The following ACSBG1 variants were observed in gnomAD, a reference collection of about 807,000 sequenced individuals.
ACSBG1 encodes acyl-CoA synthetase bubblegum family member 1.
In ACSBG1, 39 loss-of-function variants were observed where a neutral mutation model predicts 80.2. The ratio of observed to expected loss-of-function variants is 0.49; its 90% CI spans 0.38 to 0.64. The LOEUF (loss-of-function observed/expected upper bound fraction) is 0.64, where lower values mean the gene tolerates loss of function less well. Ranked by LOEUF, ACSBG1 falls within the 30% of genes least tolerant of loss-of-function variation. The pLI is 0.00. For missense variants in ACSBG1, 828 were observed against 966.4 expected (o/e 0.86, Z 1.90); for synonymous variants, 392 against 379.5 (o/e 1.03, Z -0.38).
chr15:78,171,703 G>T (rs1595876509), intron 13 of ACSBG1, 174 bp from the exon 14 acceptor site: 1 of 575,060 alleles, frequency 1.7e-6, no homozygotes, highest in Non-Finnish European at 3.1e-6. Flanking sequence ...CATATGGCTT[G>T]TGTGTAGTCT....
Position 78,182,033 on chromosome 15 carries a change from T to C in ACSBG1, c.1007A>G (p.Tyr336Cys). 6.2e-7 allele frequency: 1 copy of C among 1,614,132 alleles called. No individual in the cohort carries two copies. Among genetic ancestry groups the C allele is most frequent in the Non-Finnish European group, 8.5e-7 (1 of 1,180,012 alleles). The change falls in exon 8 of 14, where the codon TAC (tyrosine) becomes TGC (cysteine). Residue 336 changes from tyrosine to cysteine, a missense_variant. Transcript: ENST00000258873. Reference protein sequence around the residue: ...LPLSHIAAQIYDLWTGIQWGA... With the variant: ...LPLSHIAAQICDLWTGIQWGA... Reference sequence around the variant, plus strand: ...CCACTGGATGCCTGTCCACAGGTCGTAGATCTGGGCGGCAATATGGCTGAG... The same window carrying C: ...CCACTGGATGCCTGTCCACAGGTCGCAGATCTGGGCGGCAATATGGCTGAG...
intron 2 of ACSBG1, among the ~76,000 whole-genome samples, chr15:78,202,781 C>T (rs2075180562): frequency 6.6e-6 from 1 of 152,298 alleles, no homozygotes; most frequent in South Asian, 2.1e-4. Flanking sequence ...AACATCCTTG[C>T]ACTTAGCAAT....
chr15:78,201,111 GC>G (rs1215992024), intron 2 of ACSBG1, among the ~76,000 whole-genome samples: 1 of 152,182 alleles, frequency 6.6e-6, no homozygotes, highest in African/African-American at 2.4e-5. Flanking sequence ...CCCATCCTGA[GC>G]CTAATGGAGG....
At chr15:78,191,938 G>A (rs896415063) in intron 5 of ACSBG1, among the ~76,000 whole-genome samples, 8 of 152,280 alleles carry the variant, frequency 5.3e-5, no homozygotes, top group African/African-American at 9.6e-5. Context: ...ACCTCCAAGT[G>A]TGACCTTATG....
intron 4 of ACSBG1, 149 bp downstream of exon 4, chr15:78,193,783 G>T: frequency 7.1e-7 from 1 of 1,416,432 alleles, no homozygotes; most frequent in Non-Finnish European, 9.6e-7. Flanking sequence ...TGCAGAGAGG[G>T]CGCCAGATGC....
chr15:78,224,167 TCAA>T (rs1342815704), intron 1 of ACSBG1, among the ~76,000 whole-genome samples: 1 of 152,150 alleles, frequency 6.6e-6, no homozygotes, highest in African/African-American at 2.4e-5. Context: ...AACAGGCTTG[TCAA>T]CAACTTCATG....
At chr15:78,224,713 T>C (rs1239615514) in intron 1 of ACSBG1, among the ~76,000 whole-genome samples, 3 of 151,436 alleles carry the variant, frequency 2.0e-5, no homozygotes, top group South Asian at 4.2e-4. Flanking sequence ...AGAGCGAGAC[T>C]CCGCCTCAAA....
intron 2 of ACSBG1, among the ~76,000 whole-genome samples, chr15:78,204,564 C>G (rs2075197004): frequency 6.6e-6 from 1 of 152,204 alleles, no homozygotes; most frequent in Admixed American, 6.5e-5. Flanking sequence ...GAAAATGTTT[C>G]TCTGAGGACC....
At chr15:78,186,111 T>A (rs2075001323) in intron 5 of ACSBG1, among the ~76,000 whole-genome samples, 1 of 152,206 alleles carries the variant, frequency 6.6e-6, no homozygotes, top group African/African-American at 2.4e-5. Context: ...AGTTAGCTCT[T>A]CTTGTTGAAT....
Position 78,178,510 on chromosome 15 carries a change from C to T in ACSBG1, c.1702+104G>A. On this transcript the variant is annotated intron_variant, in intron 11 of 13. Transcript: ENST00000258873. The surrounding 1 kb of genome is among the most constrained non-coding windows in gnomAD (Gnocchi z 4.3). Reference sequence around the variant, plus strand: ...AGAGATGGGGTTTCGCTGTGCTGCCCAGGGTGGTCTTGAACTCCTGAGCTC... The same window carrying T: ...AGAGATGGGGTTTCGCTGTGCTGCCTAGGGTGGTCTTGAACTCCTGAGCTC... The T allele has an allele frequency of 7.8e-7, 1 of 1,284,320 alleles. No homozygotes were observed. Among genetic ancestry groups the T allele is most frequent in the Non-Finnish European group, 1.1e-6 (1 of 948,696 alleles). The allele number at this position is 1,284,320 out of a possible 1,614,324, so 79.6% of individuals were successfully genotyped here.
Position 78,171,024 on chromosome 15 carries a change from G to C in ACSBG1, c.*420C>G, listed in dbSNP as rs2074814985. 1 of 155,774 alleles carries C rather than the reference G, an allele frequency of 6.4e-6. No homozygotes were observed. 9.6% of individuals were successfully genotyped at this position (155,774 alleles called of 1,614,324 possible). A position where few individuals can be genotyped will look rare whatever the true frequency, so the allele number is the denominator to read the frequency against. On this transcript the variant is annotated 3_prime_UTR_variant, in exon 14 of 14. Transcript: ENST00000258873. ...CAGAGTAAGTCAGGTCGCTAGGTGA[G>C]TTGTGACTGATTGCTTTTCCTGCAG...
At chr15:78,198,168 C>G (rs1466395333) in intron 2 of ACSBG1, among the ~76,000 whole-genome samples, 2 of 151,994 alleles carry the variant, frequency 1.3e-5, no homozygotes, top group African/African-American at 4.8e-5. Context: ...TCCCGAGTAG[C>G]TGGGACTACA....
chr15:78,207,598 G>A (rs899647165), intron 2 of ACSBG1: 9 of 210,394 alleles, frequency 4.3e-5, no homozygotes, highest in South Asian at 2.3e-4. Flanking sequence ...GCCTGCACCC[G>A]TCTGCCTGCC....
At chr15:78,196,047 C>CA (rs1384456143) in intron 2 of ACSBG1, among the ~76,000 whole-genome samples, 1 of 152,212 alleles carries the variant, frequency 6.6e-6, no homozygotes, top group Non-Finnish European at 1.5e-5. Context: ...AGGACATATC[C>CA]AGACCCAAAC....
In ACSBG1 at chr15:78,168,873, A is replaced by C. The variant is rs533217194; in HGVS notation, c.*2571T>G. On this transcript the variant is annotated 3_prime_UTR_variant, in exon 14 of 14. Coordinates refer to ENST00000258873, the MANE Select transcript of ACSBG1 (RefSeq NM_015162.5). ...GAGGGCTTTAAAATCTCCTTGGTTT[A>C]GTTTAGTTTGCGGATACATCTTTTA... is the stretch of plus-strand genomic sequence containing the variant. 7 of 1,212,762 alleles carry C rather than the reference A, an allele frequency of 5.8e-6. No individual in the cohort carries two copies. The highest frequency in any genetic ancestry group is 8.5e-6 in the Non-Finnish European group (7 of 823,816). 75.1% of individuals were successfully genotyped at this position (1,212,762 alleles called of 1,614,324 possible). A position where few individuals can be genotyped will look rare whatever the true frequency, so the allele number is the denominator to read the frequency against.
At chr15:78,189,324 T>C (rs1381553737) in intron 5 of ACSBG1, among the ~76,000 whole-genome samples, 2 of 151,412 alleles carry the variant, frequency 1.3e-5, no homozygotes, top group Non-Finnish European at 2.9e-5. Context: ...TTACTGGGTA[T>C]ATACCCAAAG....
At chr15:78,209,697 G>A (rs949085733) in intron 1 of ACSBG1, among the ~76,000 whole-genome samples, 32 of 152,174 alleles carry the variant, frequency 2.1e-4, no homozygotes, top group African/African-American at 7.7e-4. Flanking sequence ...GGGGAAGACT[G>A]TGAACTTGGT....
chr15:78,231,067 C>A (rs75289751), intron 1 of ACSBG1, among the ~76,000 whole-genome samples: 1 of 152,210 alleles, frequency 6.6e-6, no homozygotes, highest in African/African-American at 2.4e-5. Context: ...GATTTTCCCA[C>A]GTCAGCCTTC....
intron 1 of ACSBG1, among the ~76,000 whole-genome samples, chr15:78,208,800 C>G (rs996639874): frequency 1.3e-5 from 2 of 152,192 alleles, no homozygotes; most frequent in African/African-American, 4.8e-5. Flanking sequence ...TCTGGCCAAC[C>G]CAAGTTTCAT....
Sources: gnomAD v4.1 joint callset for allele counts (sites outside exome capture counted in the v4.1 genomes callset) on GRCh38, gnomAD v4.1.1 for gene constraint, Gnocchi (gnomAD v3.1) non-coding constraint, MANE v1.5 for transcripts, NCBI Gene and HGNC (gene_info 2026-07-23, HGNC 2026-07-21) for gene names.